The following ST3GAL3 variants were observed in gnomAD, a reference collection of about 807,000 sequenced individuals.
The protein encoded by ST3GAL3 is CMP-N-acetylneuraminate-beta-1,4-galactoside alpha-2,3-sialyltransferase.
Under a neutral mutation model 50.1 loss-of-function variants are expected in ST3GAL3, and 21 were observed. The observed-to-expected ratio is 0.42, with a 90% CI of 0.30 to 0.60. The LOEUF is 0.60. ST3GAL3 is among the 20% of genes least tolerant of loss of function. The probability of loss-of-function intolerance (pLI) is 0.19; values close to 1 mark genes in which losing one functional copy is unlikely to be tolerated. For missense variants in ST3GAL3, 353 were observed against 489.4 expected (o/e 0.72, Z 2.63); for synonymous variants, 183 against 190.0 (o/e 0.96, Z 0.30).
chr1:43,771,094 C>A (rs1694965663), intron 2 of ST3GAL3, among the ~76,000 whole-genome samples: 1 of 152,198 alleles, frequency 6.6e-6, no homozygotes, highest in Non-Finnish European at 1.5e-5. Flanking sequence ...CAGTGGAATT[C>A]TTTTGTCCCT....
intron 5 of ST3GAL3, among the ~76,000 whole-genome samples, chr1:43,885,440 C>CT (rs1558726556): frequency 1.3e-4 from 20 of 151,978 alleles, no homozygotes; most frequent in Non-Finnish European, 2.8e-4. Flanking sequence ...CCTCGCGTGC[C>CT]GGGGTGCTGG....
chr1:43,771,130 A>G (rs1449205596), intron 2 of ST3GAL3, among the ~76,000 whole-genome samples: 1 of 152,096 alleles, frequency 6.6e-6, no homozygotes, highest in East Asian at 1.9e-4. Context: ...TCTTTTGAAC[A>G]TTTTCATCCT....
At chr1:43,749,854 C>T (rs1307711904) in intron 2 of ST3GAL3, among the ~76,000 whole-genome samples, 2 of 152,006 alleles carry the variant, frequency 1.3e-5, no homozygotes, top group African/African-American at 2.4e-5. Context: ...CCTTTTTGCC[C>T]CTTCTGCCTT....
At chr1:43,736,165 C>G (rs1233142204) in intron 1 of ST3GAL3, 68 bp from the exon 2 acceptor site, 19 of 1,408,728 alleles carry the variant, frequency 1.3e-5, no homozygotes, top group Non-Finnish European at 1.7e-5. Flanking sequence ...TCTATAGATA[C>G]TTTAAGAGAG....
chr1:43,795,039 A>G (rs901289532), intron 3 of ST3GAL3, among the ~76,000 whole-genome samples: 43 of 152,170 alleles, frequency 2.8e-4, no homozygotes, highest in African/African-American at 1.0e-3. Flanking sequence ...AAGGGGTTTT[A>G]TAGGTGTCCA....
intron 2 of ST3GAL3, among the ~76,000 whole-genome samples, chr1:43,788,945 T>G (rs561508462): frequency 6.6e-6 from 1 of 152,060 alleles, no homozygotes; most frequent in East Asian, 1.9e-4. Flanking sequence ...GGGAGGTTTT[T>G]TTTTTTTTTA....
intron 2 of ST3GAL3, among the ~76,000 whole-genome samples, chr1:43,765,791 G>A (rs1462120389): frequency 1.4e-5 from 2 of 147,366 alleles, no homozygotes; most frequent in South Asian, 2.1e-4. Context: ...GTGTGCGCGC[G>A]CGCGCGCGCG....
intron 11 of ST3GAL3, chr1:43,929,930 T>C: frequency 1.4e-6 from 1 of 729,092 alleles, no homozygotes; most frequent in East Asian, 2.5e-5. Flanking sequence ...TTCCCTGTCT[T>C]GGGAAGGGAG....
intron 1 of ST3GAL3, among the ~76,000 whole-genome samples, chr1:43,731,181 C>T (rs1445161595): frequency 6.6e-6 from 1 of 151,964 alleles, no homozygotes; most frequent in Non-Finnish European, 1.5e-5. Context: ...ACCACCAGTA[C>T]AGGCACATAC....
chr1:43,759,304 C>T (rs1572276973), intron 2 of ST3GAL3, among the ~76,000 whole-genome samples: 2 of 152,042 alleles, frequency 1.3e-5, no homozygotes, highest in Admixed American at 6.6e-5. Flanking sequence ...ATTAGCTGGG[C>T]GTGGTGGCAT....
At chr1:43,874,457 T>C (rs962655376) in intron 5 of ST3GAL3, among the ~76,000 whole-genome samples, 1 of 131,814 alleles carries the variant, frequency 7.6e-6, no homozygotes, top group Non-Finnish European at 1.8e-5. Flanking sequence ...GTACTGTTCT[T>C]TTAACTTTTC....
chr1:43,817,594 C>T (rs375388185), intron 4 of ST3GAL3, among the ~76,000 whole-genome samples: 43,053 of 72,914 alleles, frequency 0.59, 10,614 homozygotes, highest in East Asian at 0.72. Context: ...TCCTTCTCCT[C>T]CTCCCTTCTC....
intron 3 of ST3GAL3, among the ~76,000 whole-genome samples, chr1:43,797,261 G>A (rs2058783883): frequency 6.6e-6 from 1 of 151,976 alleles, no homozygotes; most frequent in Non-Finnish European, 1.5e-5. Flanking sequence ...AAAAAAAGAG[G>A]AAGAAAATAT....
chr1:43,717,192 A>G (rs1667810287), intron 1 of ST3GAL3, among the ~76,000 whole-genome samples: 1 of 152,120 alleles, frequency 6.6e-6, no homozygotes, highest in South Asian at 2.1e-4. Flanking sequence ...TGTTTATTCC[A>G]TAACTGCACG....
intron 9 of ST3GAL3, among the ~76,000 whole-genome samples, chr1:43,902,061 T>C (rs769448410): frequency 6.6e-6 from 1 of 152,202 alleles, no homozygotes; most frequent in Non-Finnish European, 1.5e-5. Context: ...ACCTCACCCA[T>C]GCTCTGCCTC....
chr1:43,922,885 A>C (rs1431219978), intron 11 of ST3GAL3, among the ~76,000 whole-genome samples: 2 of 151,826 alleles, frequency 1.3e-5, no homozygotes, highest in Non-Finnish European at 2.9e-5. Context: ...GTGGATCACA[A>C]GGTCAGAAGA....
chr1:43,891,576 ATAAG>A (rs148380842), intron 5 of ST3GAL3, among the ~76,000 whole-genome samples: 404 of 152,364 alleles, frequency 2.7e-3, no homozygotes, highest in African/African-American at 9.2e-3. Flanking sequence ...TTTCAAAAAA[ATAAG>A]TAATAAATAA....
intron 3 of ST3GAL3, among the ~76,000 whole-genome samples, chr1:43,793,900 C>T (rs192800481): frequency 2.0e-5 from 3 of 152,086 alleles, no homozygotes; most frequent in Admixed American, 2.0e-4. Context: ...TTGGGTAACA[C>T]AGTGAGACCC....
At chr1:43,889,075 G>C (rs2076349353) in intron 5 of ST3GAL3, among the ~76,000 whole-genome samples, 1 of 152,002 alleles carries the variant, frequency 6.6e-6, no homozygotes, top group Admixed American at 6.6e-5. Context: ...TCAATCATGG[G>C]AGTATTATTG....
Sources: gnomAD v4.1 joint callset for allele counts (sites outside exome capture counted in the v4.1 genomes callset) on GRCh38, gnomAD v4.1.1 for gene constraint, MANE v1.5 for transcripts, NCBI Gene and HGNC (gene_info 2026-07-23, HGNC 2026-07-21) for gene names.